BAZ2B: variants seen among roughly 807,000 people sequenced by gnomAD.
BAZ2B encodes the protein bromodomain adjacent to zinc finger domain protein 2B.
In BAZ2B, 91 loss-of-function variants were observed where a neutral mutation model predicts 246.0. That is an observed-to-expected ratio of 0.37 (90% CI 0.31 to 0.44). The LOEUF is 0.44. Among genes scored for constraint, BAZ2B ranks in the 20% least tolerant of loss-of-function variants. BAZ2B has a pLI of 1.00. For synonymous variants in BAZ2B, 855 were observed against 860.0 expected (o/e 0.99, Z 0.10); for missense variants, 2,332 against 2,533.7 (o/e 0.92, Z 1.71).
At chr2:159,610,614 A>T (rs2151814630) in intron 1 of BAZ2B, among the ~76,000 whole-genome samples, 1 of 152,340 alleles carries the variant, frequency 6.6e-6, no homozygotes, top group Admixed American at 6.5e-5. Context: ...CATGTGCACA[A>T]CACAAAATTA....
At chr2:159,604,685 A>G (rs1301691657) in intron 1 of BAZ2B, among the ~76,000 whole-genome samples, 1 of 152,214 alleles carries the variant, frequency 6.6e-6, no homozygotes, top group East Asian at 1.9e-4. Flanking sequence ...AACATTCCTT[A>G]TAATAGAAAT....
At chr2:159,408,273 A>G (rs892252564) in intron 14 of BAZ2B, among the ~76,000 whole-genome samples, 1 of 152,210 alleles carries the variant, frequency 6.6e-6, no homozygotes, top group Non-Finnish European at 1.5e-5. Context: ...CCTGGGCTCA[A>G]GTGATCCTCT....
intron 2 of BAZ2B, among the ~76,000 whole-genome samples, chr2:159,534,106 CTATGT>C (rs1030763050): frequency 6.2e-4 from 94 of 152,238 alleles, no homozygotes; most frequent in African/African-American, 2.2e-3. Flanking sequence ...GTATCTATTC[CTATGT>C]TATGATTCCA....
At chr2:159,537,736 A>G (rs779121682) in intron 2 of BAZ2B, among the ~76,000 whole-genome samples, 1 of 152,146 alleles carries the variant, frequency 6.6e-6, no homozygotes, top group Non-Finnish European at 1.5e-5. Context: ...CTATTTATCT[A>G]TTGCTCTCCA....
chr2:159,347,911 A>G (rs1289066669), intron 30 of BAZ2B, among the ~76,000 whole-genome samples: 1 of 152,202 alleles, frequency 6.6e-6, no homozygotes, highest in Non-Finnish European at 1.5e-5. Context: ...AAAACAGAAA[A>G]AAATAGTAGT....
At chr2:159,457,303 A>AT (rs1447065104) in intron 3 of BAZ2B, among the ~76,000 whole-genome samples, 2 of 152,230 alleles carry the variant, frequency 1.3e-5, no homozygotes, top group African/African-American at 4.8e-5. Flanking sequence ...AAGTTTGTTA[A>AT]TATTTCAGTA....
chr2:159,488,439 T>C (rs1459650563), intron 2 of BAZ2B, among the ~76,000 whole-genome samples: 2 of 152,146 alleles, frequency 1.3e-5, no homozygotes, highest in East Asian at 3.8e-4. Context: ...CCATTTACCC[T>C]GATGTGATTA....
At chr2:159,401,021 C>G (rs754923597) in intron 16 of BAZ2B, among the ~76,000 whole-genome samples, 1 of 151,194 alleles carries the variant, frequency 6.6e-6, no homozygotes, top group Non-Finnish European at 1.5e-5. Flanking sequence ...CCAGCCTGGG[C>G]GACAGAGCGA....
Position 159,319,451 on chromosome 2 carries a change from T to C in BAZ2B, c.*814A>G, listed in dbSNP as rs1008522347. The C allele has an allele frequency of 6.6e-6, 1 of 152,662 alleles. No homozygotes were observed. Among genetic ancestry groups the C allele is most frequent in the African/African-American group, 2.4e-5 (1 of 41,458 alleles). The allele number at this position is 152,662 out of a possible 1,614,324, so 9.5% of individuals were successfully genotyped here. ...ATAATTACTGTACAGACTGTATAGC[T>C]ATCATTACCTTCAGACGAAAATAAA... On this transcript the variant is annotated 3_prime_UTR_variant, in exon 37 of 37. Coordinates refer to ENST00000392783, the MANE Select transcript of BAZ2B (RefSeq NM_013450.4). This position sits in a 1 kb window ranked among gnomAD's most constrained non-coding sequence, Gnocchi z 4.0.
chr2:159,699,727 C>T, the BAZ2B span, among the ~76,000 whole-genome samples: 1 of 152,066 alleles, frequency 6.6e-6, no homozygotes, highest in Admixed American at 6.6e-5. Flanking sequence ...TTTTCTGGGC[C>T]CAGTTGTAAA....
the BAZ2B span, among the ~76,000 whole-genome samples, chr2:159,699,886 G>A: frequency 3.9e-5 from 6 of 152,182 alleles, no homozygotes; most frequent in South Asian, 4.1e-4. Context: ...AGCTGGACTG[G>A]TATCTGGTGA....
intron 2 of BAZ2B, among the ~76,000 whole-genome samples, chr2:159,538,384 T>C (rs1234347012): frequency 1.3e-5 from 2 of 152,232 alleles, no homozygotes; most frequent in Non-Finnish European, 2.9e-5. Context: ...AATCCTTGCA[T>C]GTGGTACTCT....
Position 159,327,082 on chromosome 2 carries a change from G to C in BAZ2B, c.5944-1164C>G, listed in dbSNP as rs376824303. ...TTTTTTTTTTTTTTGAGGCAGTCTCGCTCTGTTGCCCAGGCTGGGAGTGCA... is the reference window on the plus strand; with the variant it reads ...TTTTTTTTTTTTTTGAGGCAGTCTCCCTCTGTTGCCCAGGCTGGGAGTGCA... On this transcript the variant is annotated intron_variant, in intron 34 of 36. Transcript: ENST00000392783. Among the ~76,000 whole-genome samples the C allele has an allele frequency of 2.7e-3, 366 of 135,662 alleles. 12 individuals are homozygous for C. In the South Asian group the frequency reaches 0.08, roughly 30 times the overall value. 89.0% of individuals were successfully genotyped at this position (135,662 alleles called of 152,430 possible).
At chr2:159,537,712 T>A (rs142359583) in intron 2 of BAZ2B, among the ~76,000 whole-genome samples, 6 of 152,346 alleles carry the variant, frequency 3.9e-5, no homozygotes, top group Admixed American at 3.9e-4. Flanking sequence ...TCTCTCAATC[T>A]GATAAATCAG....
chr2:159,337,543 G>A (rs1215296977), intron 32 of BAZ2B, 24 bp downstream of exon 32: 1 of 1,614,014 alleles, frequency 6.2e-7, no homozygotes, highest in African/African-American at 1.3e-5. Flanking sequence ...CTGAATGGTG[G>A]TACTTAAGGG....
the BAZ2B span, among the ~76,000 whole-genome samples, chr2:159,635,874 T>C: frequency 2.0e-5 from 3 of 151,892 alleles, no homozygotes; most frequent in Admixed American, 6.6e-5. Flanking sequence ...CTGGGCAACA[T>C]AGGGAGACCC....
At chr2:159,541,081 G>T (rs2086605783) in intron 2 of BAZ2B, among the ~76,000 whole-genome samples, 1 of 152,066 alleles carries the variant, frequency 6.6e-6, no homozygotes, top group African/African-American at 2.4e-5. Flanking sequence ...AAGAAATGGG[G>T]TGATACAGAT....
At chr2:159,332,779 A>G in intron 33 of BAZ2B, 93 bp from the exon 34 acceptor site, 1 of 1,371,832 alleles carries the variant, frequency 7.3e-7, no homozygotes, top group African/African-American at 1.5e-5. Context: ...AATTTATATT[A>G]GTAATGAACA....
chr2:159,493,282 C>A (rs2080704860), intron 2 of BAZ2B, among the ~76,000 whole-genome samples: 2 of 152,152 alleles, frequency 1.3e-5, no homozygotes, highest in Admixed American at 1.3e-4. Flanking sequence ...ATTTAAAAGT[C>A]ACACTAGCCA....
Sources: allele counts gnomAD v4.1 joint callset (sites outside exome capture counted in the v4.1 genomes callset), GRCh38; gene constraint gnomAD v4.1.1; non-coding constraint Gnocchi (gnomAD v3.1); transcripts MANE v1.5; gene names NCBI Gene and HGNC (gene_info 2026-07-23, HGNC 2026-07-21).